The following AOX1 variants were observed in gnomAD, a reference collection of about 807,000 sequenced individuals.
AOX1 encodes aldehyde oxidase 1, also known as aldehyde oxidase.
A neutral mutation model predicts 169.5 loss-of-function variants in AOX1; 153 were observed. The ratio of observed to expected loss-of-function variants is 0.90; its 90% CI spans 0.79 to 1.03. AOX1 has a LOEUF of 1.03. AOX1 is among the 50% of genes least tolerant of loss of function. AOX1 has a pLI of 0.00. For synonymous variants in AOX1, 562 were observed against 581.9 expected (o/e 0.97, Z 0.49); for missense variants, 1,656 against 1,663.9 (o/e 1.00, Z 0.08).
At chr2:200,613,768 C>A in intron 14 of AOX1, 36 bp from the exon 15 acceptor site, 1 of 1,587,758 alleles carries the variant, frequency 6.3e-7, no homozygotes, top group Non-Finnish European at 8.6e-7. Context: ...GTAATAAACC[C>A]TGTCAGGCTA....
At chr2:200,643,000 C>T (rs1237713489) in intron 25 of AOX1, among the ~76,000 whole-genome samples, 199 bp downstream of exon 25, 1 of 152,134 alleles carries the variant, frequency 6.6e-6, no homozygotes, top group Non-Finnish European at 1.5e-5. Context: ...GCTCCAAAAT[C>T]CTGAAGCAGA....
At chr2:200,600,706 G>C (rs751071774) in intron 5 of AOX1, among the ~76,000 whole-genome samples, 1 of 152,068 alleles carries the variant, frequency 6.6e-6, no homozygotes, top group African/African-American at 2.4e-5. Context: ...GAGAGACATC[G>C]CTCATAAACT....
chr2:200,664,315 G>A (rs920586457), intron 31 of AOX1, among the ~76,000 whole-genome samples: 2 of 152,164 alleles, frequency 1.3e-5, no homozygotes, highest in African/African-American at 4.8e-5. Flanking sequence ...GTACAGACAT[G>A]GCTTCACCAT....
At chr2:200,630,037 T>C (rs996922499) in intron 20 of AOX1, among the ~76,000 whole-genome samples, 1 of 151,828 alleles carries the variant, frequency 6.6e-6, no homozygotes, top group African/African-American at 2.4e-5. Flanking sequence ...GGCCAGGAGT[T>C]TGACACCAAC....
intron 13 of AOX1, 61 bp from the exon 14 acceptor site, chr2:200,612,548 C>CCTA: frequency 6.5e-7 from 1 of 1,542,934 alleles, no homozygotes. Context: ...GACACACAGA[C>CCTA]TGCCCAGTGC....
chr2:200,629,840 A>G (rs534189329), intron 20 of AOX1, among the ~76,000 whole-genome samples: 2 of 152,282 alleles, frequency 1.3e-5, no homozygotes, highest in Non-Finnish European at 2.9e-5. Context: ...ATCTAATTCA[A>G]TTAGGTGATT....
chr2:200,620,198 A>AGTTTTTTTTTTTTTTTTTT (rs370920216), intron 16 of AOX1, among the ~76,000 whole-genome samples: 2 of 120,912 alleles, frequency 1.7e-5, no homozygotes. Flanking sequence ...ATTAATAGTG[A>AGTTTTTTTTTTTTTTTTTT]CTTTTTTTTT....
intron 29 of AOX1, among the ~76,000 whole-genome samples, chr2:200,660,933 GT>G (rs1375001238): frequency 1.3e-5 from 2 of 152,170 alleles, no homozygotes; most frequent in African/African-American, 4.8e-5. Flanking sequence ...CTGGAGAGAG[GT>G]GCAGCATGGA....
intron 26 of AOX1, among the ~76,000 whole-genome samples, chr2:200,654,403 A>G (rs1446766097): frequency 1.3e-5 from 2 of 152,194 alleles, no homozygotes; most frequent in African/African-American, 4.8e-5. Flanking sequence ...AAACTAAAAT[A>G]TGTACAATCT....
chr2:200,637,468 CGTATAT>C (rs1388711823), intron 22 of AOX1, among the ~76,000 whole-genome samples: 1 of 151,620 alleles, frequency 6.6e-6, no homozygotes, highest in Non-Finnish European at 1.5e-5. Flanking sequence ...TGTTTATAAA[CGTATAT>C]GTATGTTTGT....
At chr2:200,612,039 C>T (rs757875994) in intron 13 of AOX1, among the ~76,000 whole-genome samples, 2 of 152,130 alleles carry the variant, frequency 1.3e-5, no homozygotes, top group African/African-American at 2.4e-5. Flanking sequence ...CTCCCCCTAC[C>T]CCAAGCTCTA....
chr2:200,592,569 A>G (rs1344651207), intron 1 of AOX1, among the ~76,000 whole-genome samples: 5 of 152,158 alleles, frequency 3.3e-5, no homozygotes, highest in Non-Finnish European at 7.3e-5. Context: ...GCTCCCATGA[A>G]CTTGCCTAAG....
intron 23 of AOX1, among the ~76,000 whole-genome samples, chr2:200,640,369 T>G (rs1267745983): frequency 6.6e-6 from 1 of 151,956 alleles, no homozygotes; most frequent in African/African-American, 2.4e-5. Context: ...CAGGATAGTC[T>G]GGGGAGGAGA....
At position 200,620,302 on chromosome 2, in the gene AOX1, G is replaced by A. The variant is rs181183205; in HGVS notation, c.1705-348G>A. Among the ~76,000 whole-genome samples, 367 of 151,242 alleles carry A rather than the reference G, an allele frequency of 2.4e-3. 4 individuals carry two copies. Among genetic ancestry groups the A allele is most frequent in the African/African-American group, 8.5e-3 (351 of 41,166 alleles). On this transcript the variant is annotated intron_variant, in intron 16 of 34. Transcript: ENST00000374700. The stretch of plus-strand genomic sequence containing the variant: ...CAACCTCTGCCTCCCAGGTTCCAGC[G>A]ATTCTGTAGCCTCAGCCTCCCGAGT...
intron 4 of AOX1, among the ~76,000 whole-genome samples, chr2:200,598,787 T>C (rs17532861): frequency 0.14 from 21,044 of 151,092 alleles, 1,544 homozygotes; most frequent in African/African-American, 0.16. Flanking sequence ...TTGAAGTTAA[T>C]GAAGATCAAA....
chr2:200,614,546 G>A (rs951466707), intron 15 of AOX1, among the ~76,000 whole-genome samples: 2 of 152,124 alleles, frequency 1.3e-5, no homozygotes. Flanking sequence ...AACAATTAAA[G>A]CTACAAGATT....
At chr2:200,609,618 G>C (rs1350375571) in intron 12 of AOX1, among the ~76,000 whole-genome samples, 1 of 152,070 alleles carries the variant, frequency 6.6e-6, no homozygotes, top group Non-Finnish European at 1.5e-5. Context: ...TTTTTTGTTT[G>C]TTTGTTTGTT....
At chr2:200,609,915 T>C (rs2034599548) in intron 12 of AOX1, among the ~76,000 whole-genome samples, 1 of 152,198 alleles carries the variant, frequency 6.6e-6, no homozygotes, top group African/African-American at 2.4e-5. Context: ...CCACAACATC[T>C]AATTTATCGC....
At chr2:200,674,182 A>C (rs1015433935), downstream of AOX1, among the ~76,000 whole-genome samples, 4 of 152,152 alleles carry the variant, frequency 2.6e-5, no homozygotes, top group Non-Finnish European at 1.5e-5. Context: ...AGGGGTCCTT[A>C]AGCTGATGCA....
Sources: gnomAD v4.1 joint callset for allele counts (sites outside exome capture counted in the v4.1 genomes callset) on GRCh38, gnomAD v4.1.1 for gene constraint, MANE v1.5 for transcripts, NCBI Gene and HGNC (gene_info 2026-07-23, HGNC 2026-07-21) for gene names.